The following PTPRD variants were observed in gnomAD, a reference collection of about 807,000 sequenced individuals.
PTPRD encodes receptor-type tyrosine-protein phosphatase delta.
In PTPRD, 34 loss-of-function variants were observed where a neutral mutation model predicts 214.5. The observed-to-expected ratio is 0.16, with a 90% CI of 0.12 to 0.21. The LOEUF is 0.21. PTPRD is among the 10% of genes least tolerant of loss of function. The pLI, the probability that PTPRD is intolerant of heterozygous loss-of-function variation, is 1.00. For missense variants in PTPRD, 2,545 were observed against 2,398.7 expected, an observed-to-expected ratio of 1.06 and a Z score of -1.27; for synonymous variants, 1,128 against 845.7, an observed-to-expected ratio of 1.33 and a Z score of -5.79.
At chr9:9,056,229 G>A (rs1368359058) in intron 10 of PTPRD, among the ~76,000 whole-genome samples, 1 of 152,134 alleles carries the variant, frequency 6.6e-6, no homozygotes, top group African/African-American at 2.4e-5. Flanking sequence ...AAGGAATAAT[G>A]CGTATGTGAG....
At chr9:9,328,163 T>C (rs937551300) in intron 9 of PTPRD, among the ~76,000 whole-genome samples, 4 of 152,112 alleles carry the variant, frequency 2.6e-5, no homozygotes, top group Non-Finnish European at 4.4e-5. Flanking sequence ...ATTTAAAAGT[T>C]AGCAAAAAAG....
At chr9:8,456,457 T>C (rs939820719) in intron 33 of PTPRD, among the ~76,000 whole-genome samples, 2 of 151,136 alleles carry the variant, frequency 1.3e-5, no homozygotes, top group Admixed American at 6.6e-5. Flanking sequence ...GGCAGGGGAG[T>C]GACAGGAAAG....
intron 7 of PTPRD, among the ~76,000 whole-genome samples, chr9:9,609,176 C>T (rs964340710): frequency 3.3e-5 from 5 of 152,108 alleles, no homozygotes; most frequent in African/African-American, 1.2e-4. Flanking sequence ...TATGAATCTA[C>T]ATTGATTTAT....
chr9:9,073,845 T>C (rs1390321966), intron 10 of PTPRD, among the ~76,000 whole-genome samples: 1 of 152,048 alleles, frequency 6.6e-6, no homozygotes, highest in Non-Finnish European at 1.5e-5. Flanking sequence ...CAAAATCCAT[T>C]AAAAATCCTC....
rs538312427 is a variant in PTPRD at position 8,782,162 on chromosome 9, T to C, written c.-103-48216A>G. On this transcript the variant is annotated intron_variant, in intron 11 of 45. Transcript: ENST00000381196. ...GTTTATGGTATAAAACATACCATAATGTTTATGGTATAAAATTGCATATGT... is the reference window on the plus strand; with the variant it reads ...GTTTATGGTATAAAACATACCATAACGTTTATGGTATAAAATTGCATATGT... Among the ~76,000 whole-genome samples the C allele has an allele frequency of 3.5e-5, 5 of 141,740 alleles. No homozygotes were observed. In the South Asian group the frequency reaches 1.1e-3, roughly 32 times the overall value. The allele number at this position is 141,740 out of a possible 152,430, so 93.0% of individuals were successfully genotyped here. A position where few individuals can be genotyped will look rare whatever the true frequency, so the allele number is the denominator to read the frequency against.
At chr9:10,298,804 G>T (rs1009254503) in intron 3 of PTPRD, among the ~76,000 whole-genome samples, 1 of 151,936 alleles carries the variant, frequency 6.6e-6, no homozygotes, top group Non-Finnish European at 1.5e-5. Flanking sequence ...CTAGTTCCAT[G>T]ACATTTAATT....
chr9:10,447,689 C>T (rs919014019), intron 2 of PTPRD, among the ~76,000 whole-genome samples: 6 of 151,942 alleles, frequency 3.9e-5, no homozygotes, highest in African/African-American at 1.5e-4. Context: ...CCAAAGAGGT[C>T]CATCACAGTG....
intron 3 of PTPRD, among the ~76,000 whole-genome samples, chr9:10,122,963 C>A (rs1011730765): frequency 1.3e-5 from 2 of 152,220 alleles, no homozygotes; most frequent in African/African-American, 4.8e-5. Flanking sequence ...TGCCTTTAAG[C>A]GGCCCGCTTG....
chr9:9,787,153 A>C (rs1343474229), intron 5 of PTPRD, among the ~76,000 whole-genome samples: 1 of 151,874 alleles, frequency 6.6e-6, no homozygotes, highest in Non-Finnish European at 1.5e-5. Context: ...ATAAAAAAAA[A>C]ATACATAAAA....
At chr9:10,323,984 T>TAAA (rs912718676) in intron 3 of PTPRD, among the ~76,000 whole-genome samples, 2 of 152,192 alleles carry the variant, frequency 1.3e-5, no homozygotes, top group African/African-American at 4.8e-5. Flanking sequence ...AAATTAAAAA[T>TAAA]AAATTGGATA....
intron 7 of PTPRD, among the ~76,000 whole-genome samples, chr9:9,655,329 G>A (rs2096482222): frequency 6.6e-6 from 1 of 152,106 alleles, no homozygotes; most frequent in South Asian, 2.1e-4. Context: ...CAACACTTCG[G>A]GAGGTCAAGG....
chr9:9,025,938 T>C (rs1254858039), intron 10 of PTPRD, among the ~76,000 whole-genome samples: 1 of 152,144 alleles, frequency 6.6e-6, no homozygotes, highest in South Asian at 2.1e-4. Context: ...CTAGAAATTA[T>C]AGTCCGCTCA....
chr9:9,022,478 G>T (rs1292408971), intron 10 of PTPRD, among the ~76,000 whole-genome samples: 2 of 152,084 alleles, frequency 1.3e-5, no homozygotes, highest in Non-Finnish European at 2.9e-5. Flanking sequence ...ATGTGTTAGA[G>T]TTGCTTACAG....
intron 5 of PTPRD, among the ~76,000 whole-genome samples, chr9:9,887,181 T>G (rs1248700259): frequency 2.6e-5 from 4 of 152,254 alleles, no homozygotes; most frequent in Non-Finnish European, 5.9e-5. Context: ...TTTTCTCAAT[T>G]AGAAAGCCTT....
chr9:9,924,512 T>C (rs1176912392), intron 5 of PTPRD, among the ~76,000 whole-genome samples: 1 of 152,032 alleles, frequency 6.6e-6, no homozygotes, highest in African/African-American at 2.4e-5. Flanking sequence ...ACAAAAGCCC[T>C]AAAGTCATTT....
intron 3 of PTPRD, among the ~76,000 whole-genome samples, chr9:10,282,646 A>G (rs1464462031): frequency 2.6e-5 from 4 of 152,212 alleles, no homozygotes; most frequent in Non-Finnish European, 5.9e-5. Flanking sequence ...TCAACTGAGC[A>G]GCTTTAAAAA....
rs553363936 is a variant in PTPRD at position 9,787,002 on chromosome 9, T to G, written c.-367-20151A>C. On this transcript the variant is annotated intron_variant, in intron 5 of 45. Transcript: ENST00000381196. ...GATTCAAAAAAATTAGCTTGTGTGG[T>G]GGTGTGCGCCTGAAGTCCCAACTAC... is the stretch of plus-strand genomic sequence containing the variant. Among the ~76,000 whole-genome samples, 5 of 152,098 alleles carry G rather than the reference T, an allele frequency of 3.3e-5. No individual in the cohort carries two copies. The East Asian group carries it at 9.7e-4, about 29-fold the overall frequency.
At chr9:9,053,322 A>C (rs894882695) in intron 10 of PTPRD, among the ~76,000 whole-genome samples, 8 of 152,138 alleles carry the variant, frequency 5.3e-5, no homozygotes, top group Non-Finnish European at 7.4e-5. Context: ...ATAATCATTA[A>C]AAATTTTGAA....
chr9:8,832,408 A>T (rs1227747158), intron 11 of PTPRD, among the ~76,000 whole-genome samples: 2 of 62,928 alleles, frequency 3.2e-5, no homozygotes, highest in African/African-American at 1.5e-4. Flanking sequence ...AGCTAAAATC[A>T]TCTTTTTTTT....
Sources: gnomAD v4.1 joint callset for allele counts (sites outside exome capture counted in the v4.1 genomes callset) on GRCh38, gnomAD v4.1.1 for gene constraint, MANE v1.5 for transcripts, NCBI Gene and HGNC (gene_info 2026-07-23, HGNC 2026-07-21) for gene names.